Variants in DLG2 observed in about 807,000 individuals in gnomAD.
The protein encoded by DLG2 is disks large homolog 2.
DLG2 carries 45 observed loss-of-function variants against 132.5 expected under a neutral mutation model. That is an observed-to-expected ratio of 0.34 (90% CI 0.27 to 0.44). The LOEUF is 0.44. Among genes scored for constraint, DLG2 ranks in the 20% least tolerant of loss-of-function variants. The pLI, the probability that DLG2 is intolerant of heterozygous loss-of-function variation, is 1.00. For missense variants in DLG2, 1,045 were observed against 1,196.9 expected, an observed-to-expected ratio of 0.87 and a Z score of 1.87; for synonymous variants, 424 against 419.6, an observed-to-expected ratio of 1.01 and a Z score of -0.13.
chr11:83,598,910 C>G lies in DLG2; in HGVS notation c.1940+34301G>C, dbSNP rs1476838533. ...GTGTATAAAGCTGTCTGCCCCTGCC[C>G]TAAATCTGCCACACATTTAAATCCT... On this transcript the variant is annotated intron_variant, in intron 19 of 27. Coordinates refer to ENST00000376104, the MANE Select transcript of DLG2 (RefSeq NM_001142699.3). Among the ~76,000 whole-genome samples the G allele has an allele frequency of 2.0e-5, 3 of 152,166 alleles. No homozygotes were observed. The East Asian group carries it at 5.8e-4, about 29-fold the overall frequency.
At chr11:84,955,787 T>A (rs376463615) in intron 6 of DLG2, 1 of 152,192 alleles carries the variant, frequency 6.6e-6, no homozygotes, top group East Asian at 1.9e-4. Flanking sequence ...TACTAGCTCA[T>A]AGAGATAACA....
intron 15 of DLG2, among the ~76,000 whole-genome samples, chr11:83,887,039 C>T (rs182096423): frequency 1.9e-3 from 287 of 152,148 alleles, no homozygotes; most frequent in Middle Eastern, 0.01. Context: ...ATTAAAAGAA[C>T]TAGAAAAGCA....
At chr11:84,317,179 C>T in intron 7 of DLG2, 1 of 1,576,074 alleles carries the variant, frequency 6.3e-7, no homozygotes, top group East Asian at 2.3e-5. Flanking sequence ...CTTTGGTCAG[C>T]TCTGCACAGA....
At chr11:85,515,953 T>C (rs1235875885) in intron 3 of DLG2, among the ~76,000 whole-genome samples, 3 of 152,082 alleles carry the variant, frequency 2.0e-5, no homozygotes, top group Admixed American at 2.0e-4. Flanking sequence ...TAAGGTTATG[T>C]AATTTGTCTC....
Position 84,993,366 on chromosome 11 carries a change from G to T in DLG2, c.357+118295C>A, listed in dbSNP as rs186751227. Among the ~76,000 whole-genome samples, 37 of 152,218 alleles carry T rather than the reference G, an allele frequency of 2.4e-4. No homozygotes were observed. The East Asian group carries it at 2.9e-3, about 12-fold the overall frequency. On this transcript the variant is annotated intron_variant, in intron 6 of 27. Transcript: ENST00000376104. The stretch of plus-strand genomic sequence containing the variant: ...ATAGGTGCTGGGGTTCAATCAGGCT[G>T]GTGGGAAAAATATTAAAGATAGGTA...
At chr11:84,251,810 G>A (rs111316504) in intron 7 of DLG2, among the ~76,000 whole-genome samples, 8,122 of 151,648 alleles carry the variant, frequency 0.054, 295 homozygotes, top group Non-Finnish European at 0.076. Context: ...CCAGCTAACT[G>A]CTGTATTTTT....
At chr11:83,976,525 G>T (rs1414506087) in intron 12 of DLG2, among the ~76,000 whole-genome samples, 1 of 151,910 alleles carries the variant, frequency 6.6e-6, no homozygotes, top group Non-Finnish European at 1.5e-5. Context: ...AGAAAGGAAT[G>T]ACAGAAGGAG....
chr11:85,206,911 A>T (rs576715720), intron 4 of DLG2, among the ~76,000 whole-genome samples: 3,009 of 152,242 alleles, frequency 0.02, 57 homozygotes, highest in Admixed American at 0.037. Context: ...CACAAAAAAA[A>T]TCTTCAAAGA....
intron 6 of DLG2, among the ~76,000 whole-genome samples, chr11:84,979,236 G>A (rs1185354210): frequency 6.6e-6 from 1 of 152,136 alleles, no homozygotes; most frequent in Non-Finnish European, 1.5e-5. Flanking sequence ...AACCATTGTG[G>A]TAGGCAGTGT....
intron 6 of DLG2, among the ~76,000 whole-genome samples, chr11:84,667,474 T>TG (rs1331549066): frequency 4.3e-4 from 56 of 130,766 alleles, no homozygotes; most frequent in East Asian, 1.2e-3. Context: ...TCAAGTTTTT[T>TG]TTTGTTTTTG....
chr11:85,532,954 A>C (rs1411685507), intron 3 of DLG2, among the ~76,000 whole-genome samples: 1 of 152,210 alleles, frequency 6.6e-6, no homozygotes, highest in East Asian at 1.9e-4. Flanking sequence ...AGGTTATCTT[A>C]GAATATATGA....
chr11:85,289,915 T>C (rs2078788790), intron 3 of DLG2, among the ~76,000 whole-genome samples: 1 of 152,186 alleles, frequency 6.6e-6, no homozygotes, highest in Non-Finnish European at 1.5e-5. Flanking sequence ...TTCAGCCTTA[T>C]AGTAGAAATA....
intron 10 of DLG2, among the ~76,000 whole-genome samples, chr11:84,081,761 T>C (rs1271047028): frequency 2.6e-5 from 4 of 152,214 alleles, no homozygotes; most frequent in Non-Finnish European, 5.9e-5. Flanking sequence ...CTATTGTGAA[T>C]AGTGCCGCAA....
At chr11:84,653,210 G>A (rs143066190) in intron 6 of DLG2, among the ~76,000 whole-genome samples, 11 of 152,238 alleles carry the variant, frequency 7.2e-5, no homozygotes, top group East Asian at 5.8e-4. Context: ...AATTACAAGC[G>A]TGAGCCACTG....
In DLG2 at chr11:85,392,826, C is replaced by T. The variant is rs138421354; in HGVS notation, c.41-107461G>A. On this transcript the variant is annotated intron_variant, in intron 3 of 27. Transcript: ENST00000376104. Reference sequence around the variant, plus strand: ...CTCTCACCTTACACAAAAATCAACTCAAGATGGATCAAAGACTGAAATATA... The same window carrying T: ...CTCTCACCTTACACAAAAATCAACTTAAGATGGATCAAAGACTGAAATATA... Among the ~76,000 whole-genome samples the T allele has an allele frequency of 4.7e-3, 723 of 152,268 alleles. 2 individuals are homozygous for T. Among genetic ancestry groups the T allele is most frequent in the African/African-American group, 0.016 (659 of 41,572 alleles).
chr11:84,323,564 G>A (rs2098416018), intron 7 of DLG2, among the ~76,000 whole-genome samples: 1 of 152,138 alleles, frequency 6.6e-6, no homozygotes, highest in Admixed American at 6.5e-5. Context: ...CTCAAAAGTG[G>A]TATTGTTGAA....
intron 6 of DLG2, among the ~76,000 whole-genome samples, chr11:85,048,194 G>A (rs2062539675): frequency 1.3e-5 from 2 of 151,814 alleles, no homozygotes; most frequent in Non-Finnish European, 2.9e-5. Context: ...GACTAAAAAT[G>A]ACTAGATTTC....
rs566131045 is a variant in DLG2, at chr11:84,403,191, G to A, written c.519+131379C>T. 4.0e-4 allele frequency among the ~76,000 whole-genome samples: 61 copies of A among 152,232 alleles called. 1 individual carries two copies. The highest frequency in any genetic ancestry group is 3.1e-3 in the South Asian group (15 of 4,826). ...TTAGTAGGTTAACATTTAAAATACA[G>A]TCCATTTGGGAGTCACTCAAAAACT... On this transcript the variant is annotated intron_variant, in intron 7 of 27. Coordinates refer to ENST00000376104, the MANE Select transcript of DLG2 (RefSeq NM_001142699.3).
At chr11:83,769,407 G>A (rs893678440) in intron 18 of DLG2, among the ~76,000 whole-genome samples, 3 of 151,964 alleles carry the variant, frequency 2.0e-5, no homozygotes, top group African/African-American at 7.3e-5. Flanking sequence ...ATAGTCTCTG[G>A]CCAGGTCAGG....
Sources: gnomAD v4.1 joint callset for allele counts (sites outside exome capture counted in the v4.1 genomes callset) on GRCh38, gnomAD v4.1.1 for gene constraint, MANE v1.5 for transcripts, NCBI Gene and HGNC (gene_info 2026-07-23, HGNC 2026-07-21) for gene names.